WT1: variants seen among roughly 807,000 people sequenced by gnomAD.
WT1 encodes the protein WT1 transcription factor, also known as Wilms tumor protein.
WT1 carries 8 observed loss-of-function variants against 60.8 expected under a neutral mutation model. The ratio of observed to expected loss-of-function variants is 0.13; its 90% confidence interval spans 0.08 to 0.24. WT1 has a LOEUF of 0.24. Among genes scored for constraint, WT1 ranks in the 10% least tolerant of loss-of-function variants. WT1 has a pLI of 1.00. For synonymous variants in WT1, 312 were observed against 297.1 expected, an observed-to-expected ratio of 1.05 and a Z score of -0.52; for missense variants, 568 against 711.8, an observed-to-expected ratio of 0.80 and a Z score of 2.30.
chr11:32,410,280 A>G (rs1358130858), intron 5 of WT1, among the ~76,000 whole-genome samples: 2 of 152,158 alleles, frequency 1.3e-5, no homozygotes, highest in African/African-American at 4.8e-5. Flanking sequence ...ACATACAGAT[A>G]CTTCTATCTA....
intron 7 of WT1, among the ~76,000 whole-genome samples, chr11:32,393,895 T>C (rs929983671): frequency 6.6e-6 from 1 of 152,190 alleles, no homozygotes; most frequent in Non-Finnish European, 1.5e-5. Context: ...AGCCTTTTTA[T>C]TTTTATTTTT....
intron 1 of WT1, 129 bp downstream of exon 1, chr11:32,434,571 C>T (rs1853423644): frequency 2.0e-6 from 3 of 1,527,462 alleles, no homozygotes; most frequent in Non-Finnish European, 2.6e-6. Flanking sequence ...CTTCCGCTAT[C>T]CTCACGGCCC....
intron 5 of WT1, among the ~76,000 whole-genome samples, chr11:32,411,903 G>C (rs1427212447): frequency 6.6e-6 from 1 of 152,122 alleles, no homozygotes; most frequent in Non-Finnish European, 1.5e-5. Flanking sequence ...TCTTTAAATG[G>C]CATTAAATGA....
chr11:32,388,725 T>TA lies in WT1; in HGVS notation c.*332dup, dbSNP rs1851731575. 7.5e-6 allele frequency: 3 copies of TA among 400,554 alleles called. No individual in the cohort carries two copies. The highest frequency in any genetic ancestry group is 4.0e-5 in the Admixed American group (1 of 24,986). 24.8% of individuals were successfully genotyped at this position (400,554 alleles called of 1,614,324 possible). A position where few individuals can be genotyped will look rare whatever the true frequency, so the allele number is the denominator to read the frequency against. On this transcript the variant is annotated 3_prime_UTR_variant, in exon 10 of 10. Transcript: ENST00000452863. ...ATTCCATCCCCAGCGAAAACGAGCATAAAAAAAGAAGGGAAGGGTCAGGGG... is the reference window on the plus strand; with the variant it reads ...ATTCCATCCCCAGCGAAAACGAGCATAAAAAAAAGAAGGGAAGGGTCAGGGG...
Position 32,428,230 on chromosome 11 carries a change from T to G in WT1, c.785-172A>C, listed in dbSNP as rs144615463. 9.3e-3 allele frequency among the ~76,000 whole-genome samples: 1,417 copies of G among 152,328 alleles called. 20 individuals carry two copies. Among genetic ancestry groups the G allele is most frequent in the African/African-American group, 0.033 (1,360 of 41,566 alleles). ...ATGCAAGAAGCTAAGCCTCTCACTTTGCATTCCCCTAGCAGTCGCTGCGCT... is the reference window on the plus strand; with the variant it reads ...ATGCAAGAAGCTAAGCCTCTCACTTGGCATTCCCCTAGCAGTCGCTGCGCT... On this transcript the variant is annotated intron_variant, in intron 2 of 9. Coordinates refer to ENST00000452863, the MANE Select transcript of WT1 (RefSeq NM_024426.6).
chr11:32,408,475 A>T (rs1297386950), intron 5 of WT1, among the ~76,000 whole-genome samples: 1 of 138,496 alleles, frequency 7.2e-6, no homozygotes, highest in Non-Finnish European at 1.5e-5. Flanking sequence ...AGATTGGGCC[A>T]TTTCACTCCA....
chr11:32,409,765 A>G (rs1277149107), intron 5 of WT1, among the ~76,000 whole-genome samples: 2 of 152,006 alleles, frequency 1.3e-5, no homozygotes, highest in Admixed American at 6.6e-5. Context: ...CTTATAAATT[A>G]ATATTGTTAC....
chr11:32,434,668 C>T, intron 1 of WT1, 32 bp downstream of exon 1: 3 of 1,612,310 alleles, frequency 1.9e-6, no homozygotes, highest in Non-Finnish European at 2.5e-6. Flanking sequence ...GCCACTGCCC[C>T]GCGCGTAGGG....
At chr11:32,406,606 A>C (rs753222043) in intron 5 of WT1, among the ~76,000 whole-genome samples, 1 of 142,970 alleles carries the variant, frequency 7.0e-6, no homozygotes, top group Middle Eastern at 3.3e-3. Flanking sequence ...ACAGAGCATG[A>C]AGTTTACCCT....
chr11:32,404,807 A>G (rs973297173), intron 5 of WT1, among the ~76,000 whole-genome samples: 4 of 152,174 alleles, frequency 2.6e-5, no homozygotes. Flanking sequence ...CGTGTCTTGC[A>G]TACCACTAAC....
chr11:32,389,603 T>TA (rs1285724536), intron 9 of WT1, among the ~76,000 whole-genome samples: 1 of 152,148 alleles, frequency 6.6e-6, no homozygotes, highest in African/African-American at 2.4e-5. Context: ...CTACCCTGGG[T>TA]ATTACTGAGT....
chr11:32,397,895 T>C (rs1332136893), intron 6 of WT1, among the ~76,000 whole-genome samples: 1 of 152,324 alleles, frequency 6.6e-6, no homozygotes, highest in East Asian at 1.9e-4. Flanking sequence ...AATACCTGTC[T>C]GGTCTGGAGT....
intron 5 of WT1, among the ~76,000 whole-genome samples, chr11:32,412,895 G>A (rs1010854889): frequency 2.4e-4 from 37 of 151,768 alleles, no homozygotes; most frequent in Non-Finnish European, 1.8e-4. Context: ...AGAAAGGAGC[G>A]GTTCAGTCAC....
chr11:32,428,830 CT>C, intron 1 of WT1: 1 of 687,224 alleles, frequency 1.5e-6, no homozygotes. Context: ...CTTCTCCATC[CT>C]TTTCTGACTA....
At chr11:32,419,710 G>A (rs113039993) in intron 3 of WT1, among the ~76,000 whole-genome samples, 6,759 of 152,156 alleles carry the variant, frequency 0.044, 205 homozygotes, top group Non-Finnish European at 0.071. Flanking sequence ...ATTTTTTTCC[G>A]TTAGACGGAG....
Position 32,434,805 on chromosome 11 carries a change from C to G in WT1, c.556G>C (p.Gly186Arg), listed in dbSNP as rs768644520. The change falls in exon 1 of 10, where the codon GGT (glycine) becomes CGT (arginine). Residue 186 changes from glycine (G) to arginine (R), a missense_variant. Physicochemically the swap from Gly to Arg is moderately radical, Grantham distance 125. Transcript: ENST00000452863. Reference sequence around the variant, plus strand: ...GACGCCTGGCTGGGCGGAGGAGGACCGAAGGGCCCGTAGCGACAGGCTCCG... The same window carrying G: ...GACGCCTGGCTGGGCGGAGGAGGACGGAAGGGCCCGTAGCGACAGGCTCCG... 1 of 1,612,476 alleles carries G rather than the reference C, an allele frequency of 6.2e-7. No individual in the cohort carries two copies. The highest frequency in any genetic ancestry group is 8.5e-7 in the Non-Finnish European group (1 of 1,179,734).
In WT1 at chr11:32,434,824, G is replaced by A. The variant is rs1452353785; in HGVS notation, c.537C>T (p.Ala179=). Residue 179 remains alanine, a synonymous_variant, in exon 1 of 10, where the codon GCC becomes GCT. Coordinates refer to ENST00000452863, the MANE Select transcript of WT1 (RefSeq NM_024426.6). ...GAGGACCGAAGGGCCCGTAGCGACAGGCTCCGGCTGTGCCAGTGAACTGGC... is the reference window on the plus strand; with the variant it reads ...GAGGACCGAAGGGCCCGTAGCGACAAGCTCCGGCTGTGCCAGTGAACTGGC... The A allele has an allele frequency of 6.2e-7, 1 of 1,612,514 alleles. No homozygotes were observed. Among genetic ancestry groups the A allele is most frequent in the Non-Finnish European group, 8.5e-7 (1 of 1,179,776 alleles).
intron 4 of WT1, 56 bp from the exon 5 acceptor site, chr11:32,416,596 G>GC (rs891561119): frequency 2.5e-6 from 4 of 1,604,800 alleles, no homozygotes; most frequent in African/African-American, 1.3e-5. Context: ...GATCTGGCAA[G>GC]CCCCCCAGAT....
At chr11:32,406,690 A>G (rs1445495292) in intron 5 of WT1, among the ~76,000 whole-genome samples, 1 of 152,216 alleles carries the variant, frequency 6.6e-6, no homozygotes. Flanking sequence ...TCAGCAGAGC[A>G]TGCACTTTGG....
Sources: gnomAD v4.1 joint callset for allele counts (sites outside exome capture counted in the v4.1 genomes callset) on GRCh38, gnomAD v4.1.1 for gene constraint, MANE v1.5 for transcripts, NCBI Gene and HGNC (gene_info 2026-07-23, HGNC 2026-07-21) for gene names.